MGME1: variants seen among roughly 807,000 people sequenced by gnomAD.
The protein encoded by MGME1 is mitochondrial genome maintenance exonuclease 1.
Under a neutral mutation model 33.0 loss-of-function variants are expected in MGME1, and 22 were observed. That is an observed-to-expected ratio of 0.67 (90% CI 0.48 to 0.95). MGME1 has a LOEUF of 0.95. MGME1 is among the 40% of genes least tolerant of loss of function. The probability of loss-of-function intolerance (pLI) is 0.00; values close to 1 mark genes in which losing one functional copy is unlikely to be tolerated. For missense variants in MGME1, 383 were observed against 397.8 expected (o/e 0.96, Z 0.32); for synonymous variants, 133 against 144.0 (o/e 0.92, Z 0.55).
At chr20:17,982,632 T>TA (rs1322553282) in intron 3 of MGME1, among the ~76,000 whole-genome samples, 2 of 152,192 alleles carry the variant, frequency 1.3e-5, no homozygotes, top group Non-Finnish European at 2.9e-5. Context: ...CATTTAACAA[T>TA]ACAGTGTTAG....
At chr20:17,978,470 G>A (rs918600866) in intron 3 of MGME1, among the ~76,000 whole-genome samples, 24 of 152,248 alleles carry the variant, frequency 1.6e-4, no homozygotes, top group African/African-American at 5.3e-4. Flanking sequence ...CTCCCAAAGT[G>A]CTGAGATTAC....
At chr20:17,986,380 T>C (rs989900372) in intron 3 of MGME1, among the ~76,000 whole-genome samples, 5 of 151,098 alleles carry the variant, frequency 3.3e-5, no homozygotes, top group Non-Finnish European at 4.4e-5. Context: ...AATTTTTTTT[T>C]TTTCTTTTTT....
Position 17,978,743 on chromosome 20 carries a change from T to C in MGME1, c.731+2840T>C, listed in dbSNP as rs10485576. ...TAAGTCAACATCAACCTTGGTAATATGAACATTTTTGAAACTACGGTTTTT... is the reference window on the plus strand; with the variant it reads ...TAAGTCAACATCAACCTTGGTAATACGAACATTTTTGAAACTACGGTTTTT... On this transcript the variant is annotated intron_variant, in intron 3 of 4. Coordinates refer to ENST00000377710, the MANE Select transcript of MGME1 (RefSeq NM_052865.4). 8.8e-3 allele frequency among the ~76,000 whole-genome samples: 1,334 copies of C among 152,230 alleles called. 39 individuals are homozygous for C. In the East Asian group the frequency reaches 0.11, roughly 12 times the overall value.
chr20:17,974,149 C>T (rs2035801843), intron 2 of MGME1, among the ~76,000 whole-genome samples: 1 of 144,362 alleles, frequency 6.9e-6, no homozygotes, highest in Admixed American at 7.3e-5. Context: ...ACTGCAACCT[C>T]TGCCTCCTGG....
chr20:17,968,665 C>G, upstream of MGME1: 1 of 596,142 alleles, frequency 1.7e-6, no homozygotes, highest in South Asian at 1.7e-5. Flanking sequence ...TGCCGTCCAT[C>G]TTGGAGCCGG....
chr20:17,974,664 A>T (rs1568608149), intron 2 of MGME1, among the ~76,000 whole-genome samples: 1 of 152,326 alleles, frequency 6.6e-6, no homozygotes, highest in Non-Finnish European at 1.5e-5. Flanking sequence ...ACAAGCCATA[A>T]ATCAGAATTC....
chr20:17,984,796 GA>G (rs2036113736), intron 3 of MGME1, among the ~76,000 whole-genome samples: 2 of 152,056 alleles, frequency 1.3e-5, no homozygotes, highest in African/African-American at 4.8e-5. Flanking sequence ...AGCACTTTGG[GA>G]AACCGAGACA....
chr20:17,971,795 C>T (rs1300704960), intron 2 of MGME1, among the ~76,000 whole-genome samples: 1 of 152,122 alleles, frequency 6.6e-6, no homozygotes, highest in African/African-American at 2.4e-5. Flanking sequence ...AGCAGAATCG[C>T]TTACCCCAGC....
chr20:17,976,646 T>G lies in MGME1; in HGVS notation c.731+743T>G, dbSNP rs117241355. Among the ~76,000 whole-genome samples, 1,205 of 152,130 alleles carry G rather than the reference T, an allele frequency of 7.9e-3. 20 individuals are homozygous for G. The highest frequency in any genetic ancestry group is 9.3e-3 in the Non-Finnish European group (632 of 67,992). ...TGAACTTACTAAAGCTTCCCATGGTTGTTTTGTTTTGTTTTGTTTCGTTTT... is the reference window on the plus strand; with the variant it reads ...TGAACTTACTAAAGCTTCCCATGGTGGTTTTGTTTTGTTTTGTTTCGTTTT... On this transcript the variant is annotated intron_variant, in intron 3 of 4. Transcript: ENST00000377710.
Position 17,988,160 on chromosome 20 carries a change from C to G in MGME1, c.732-6C>G. 1 of 1,609,506 alleles carries G rather than the reference C, an allele frequency of 6.2e-7. No homozygotes were observed. The highest frequency in any genetic ancestry group is 8.5e-7 in the Non-Finnish European group (1 of 1,178,366). Reference sequence around the variant, plus strand: ...CCTACAAAGTCTTCCTGTGGTTTCTCTTTAGGGGCAAGCTCTGTGTGATTG... The same window carrying G: ...CCTACAAAGTCTTCCTGTGGTTTCTGTTTAGGGGCAAGCTCTGTGTGATTG... On this transcript the variant is annotated splice_polypyrimidine_tract_variant and splice_region_variant and intron_variant, in intron 3 of 4. Coordinates refer to ENST00000377710, the MANE Select transcript of MGME1 (RefSeq NM_052865.4).
chr20:17,969,958 C>T lies in MGME1; in HGVS notation c.99C>T (p.Tyr33=). The T allele has an allele frequency of 6.2e-7, 1 of 1,614,188 alleles. No individual in the cohort carries two copies. Residue 33 remains tyrosine (Y), a synonymous_variant, in exon 2 of 5, where the codon TAC becomes TAT. Transcript: ENST00000377710. ...AALVAFSTSS[Y]SCGRKKKVNP... ...TTGTGGCTTTCTCTACTTCCTCTTA[C>T]TCATGTGGCCGGAAGAAAAAAGTGA... is the stretch of plus-strand genomic sequence containing the variant.
Position 17,990,513 on chromosome 20 carries a change from A to C in MGME1, c.*404A>C, listed in dbSNP as rs1017455622. 6 of 281,124 alleles carry C rather than the reference A, an allele frequency of 2.1e-5. No homozygotes were observed. The highest frequency in any genetic ancestry group is 4.0e-5 in the Non-Finnish European group (6 of 148,682). The allele number at this position is 281,124 out of a possible 1,614,324, so 17.4% of individuals were successfully genotyped here. A position where few individuals can be genotyped will look rare whatever the true frequency, so the allele number is the denominator to read the frequency against. On this transcript the variant is annotated 3_prime_UTR_variant, in exon 5 of 5. Transcript: ENST00000377710. ...CAAGATTTCCCCAGGGTTCACCCAG[A>C]GGGGAAGGGGCTACATGCCCCCAGC...
intron 2 of MGME1, among the ~76,000 whole-genome samples, chr20:17,973,706 A>G (rs1261930664): frequency 6.6e-6 from 1 of 151,640 alleles, no homozygotes; most frequent in Non-Finnish European, 1.5e-5. Context: ...CTCTGCAAGC[A>G]TGTTCCAAGC....
At chr20:17,977,893 A>G (rs1044495313) in intron 3 of MGME1, among the ~76,000 whole-genome samples, 5 of 152,188 alleles carry the variant, frequency 3.3e-5, no homozygotes, top group African/African-American at 1.2e-4. Flanking sequence ...AAAGGTGGCT[A>G]CAACCTGCAG....
At chr20:17,975,501 G>T (rs1041779982) in intron 2 of MGME1, among the ~76,000 whole-genome samples, 183 bp from the exon 3 acceptor site, 6 of 149,982 alleles carry the variant, frequency 4.0e-5, no homozygotes, top group African/African-American at 1.5e-4. Context: ...AGGTTGCAGT[G>T]AGCCAATATC....
At chr20:17,984,468 A>G (rs1264107197) in intron 3 of MGME1, among the ~76,000 whole-genome samples, 2 of 152,172 alleles carry the variant, frequency 1.3e-5, no homozygotes, top group Non-Finnish European at 1.5e-5. Flanking sequence ...TTATGCTGGT[A>G]TAAACTAACC....
chr20:17,976,920 C>G (rs2035884382), intron 3 of MGME1, among the ~76,000 whole-genome samples: 1 of 152,072 alleles, frequency 6.6e-6, no homozygotes, highest in South Asian at 2.1e-4. Context: ...CTCAGCCTCC[C>G]AAAGTGCTAG....
At chr20:17,988,382 C>G in intron 4 of MGME1, 84 bp downstream of exon 4, 3 of 1,466,274 alleles carry the variant, frequency 2.0e-6, no homozygotes, top group Non-Finnish European at 2.8e-6. Flanking sequence ...TGGCTCATGC[C>G]TGTAATCCTA....
intron 3 of MGME1, among the ~76,000 whole-genome samples, chr20:17,977,561 T>TA (rs918113941): frequency 6.6e-6 from 1 of 151,990 alleles, no homozygotes; most frequent in African/African-American, 2.4e-5. Context: ...ATATATAAGA[T>TA]AAAAAAAGAG....
Sources: gnomAD v4.1 joint callset for allele counts (sites outside exome capture counted in the v4.1 genomes callset) on GRCh38, gnomAD v4.1.1 for gene constraint, MANE v1.5 for transcripts, NCBI Gene and HGNC (gene_info 2026-07-23, HGNC 2026-07-21) for gene names.